The following AGXT variants were observed in gnomAD, a reference collection of about 807,000 sequenced individuals.
AGXT encodes L-alanine: glyoxylate aminotransferase 1.
Under a neutral mutation model 46.9 loss-of-function variants are expected in AGXT, and 41 were observed. The ratio of observed to expected loss-of-function variants is 0.88; its 90% CI spans 0.68 to 1.14. AGXT has a LOEUF of 1.14. Among genes scored for constraint, AGXT ranks in the 50% most tolerant of loss-of-function variants. The pLI is 0.00. For synonymous variants in AGXT, 244 were observed against 227.9 expected (o/e 1.07, Z -0.64); for missense variants, 525 against 522.7 (o/e 1.00, Z -0.04).
In AGXT at chr2:240,879,052, T is replaced by A. The variant is rs2059043636; in HGVS notation, c.*231T>A. ...GGCGCAAAACCCAGTGCCTTCCAAATGAGCTGCAGTCCCCAGGCCATGAGC... is the reference window on the plus strand; with the variant it reads ...GGCGCAAAACCCAGTGCCTTCCAAAAGAGCTGCAGTCCCCAGGCCATGAGC... On this transcript the variant is annotated 3_prime_UTR_variant, in exon 11 of 11. Coordinates refer to ENST00000307503, the MANE Select transcript of AGXT (RefSeq NM_000030.3). The A allele has an allele frequency of 1.7e-6, 1 of 597,716 alleles. No homozygotes were observed. The highest frequency in any genetic ancestry group is 3.0e-6 in the Non-Finnish European group (1 of 334,406). 37.0% of individuals were successfully genotyped at this position (597,716 alleles called of 1,614,324 possible).
At chr2:240,869,486 G>A in intron 2 of AGXT, 124 bp downstream of exon 2, 3 of 1,202,760 alleles carry the variant, frequency 2.5e-6, no homozygotes, top group South Asian at 3.2e-5. Flanking sequence ...GTGGCCCTGT[G>A]CGCACGAACC....
intron 5 of AGXT, 77 bp downstream of exon 5, chr2:240,873,126 G>A (rs879132601): frequency 2.4e-5 from 31 of 1,284,546 alleles, no homozygotes; most frequent in Admixed American, 5.1e-5. Flanking sequence ...TGCTGGAAGC[G>A]TGCGTCCAGC....
Position 240,873,139 on chromosome 2 carries a change from C to A in AGXT, c.595+90C>A, listed in dbSNP as rs1172509975. The A allele has an allele frequency of 2.6e-6, 3 of 1,168,374 alleles. No individual in the cohort carries two copies. In the African/African-American group the frequency reaches 4.5e-5, roughly 18 times the overall value. The allele number at this position is 1,168,374 out of a possible 1,614,324, so 72.4% of individuals were successfully genotyped here. A position where few individuals can be genotyped will look rare whatever the true frequency, so the allele number is the denominator to read the frequency against. Reference sequence around the variant, plus strand: ...CCTGCTGGAAGCGTGCGTCCAGCAGCCGATGCTGCGGATTCGGCCCCATCT... The same window carrying A: ...CCTGCTGGAAGCGTGCGTCCAGCAGACGATGCTGCGGATTCGGCCCCATCT... On this transcript the variant is annotated intron_variant, in intron 5 of 10. Coordinates refer to ENST00000307503, the MANE Select transcript of AGXT (RefSeq NM_000030.3).
chr2:240,871,224 T>G (rs377132518), intron 3 of AGXT, 125 bp from the exon 4 acceptor site: 38 of 800,732 alleles, frequency 4.7e-5, no homozygotes, highest in Middle Eastern at 6.8e-4. Flanking sequence ...ATGCACACCA[T>G]CAGGGAGGAG....
Position 240,875,995 on chromosome 2 carries a change from T to C in AGXT, c.837T>C (p.Ile279=). The change falls in exon 8 of 11, where the codon ATT becomes ATC. Residue 279 remains isoleucine (I), a synonymous_variant. Coordinates refer to ENST00000307503, the MANE Select transcript of AGXT (RefSeq NM_000030.3). ...GCCTGAGAGAGAGCCTGGCCCTCAT[T>C]GCGGAACAGGTGCATGGGCTGCACT... ...LYSLRESLAL[I]AEQGLENSWR... 2 of 1,614,116 alleles carry C rather than the reference T, an allele frequency of 1.2e-6. No homozygotes were observed. Among genetic ancestry groups the C allele is most frequent in the Non-Finnish European group, 1.7e-6 (2 of 1,180,006 alleles).
chr2:240,877,024 G>A (rs1329454002), intron 8 of AGXT: 1 of 246,734 alleles, frequency 4.1e-6, no homozygotes, highest in Non-Finnish European at 8.2e-6. Context: ...AGAGCTGGTG[G>A]CTGGAGGCCG....
chr2:240,878,102 C>A lies in AGXT; in HGVS notation c.1023C>A (p.Asp341Glu), dbSNP rs144007007. The A allele has an allele frequency of 1.9e-4, 306 of 1,613,380 alleles. 4 individuals carry two copies. The African/African-American group carries it at 2.7e-3, about 14-fold the overall frequency. The change falls in exon 10 of 11, where the codon GAC becomes GAA. Residue 341 changes from aspartate to glutamate, a missense_variant. Coordinates refer to ENST00000307503, the MANE Select transcript of AGXT (RefSeq NM_000030.3). ...GAGACATCGTCAGCTACGTCATAGACCACTTCGACATTGAGATCATGGGTG... is the reference window on the plus strand; with the variant it reads ...GAGACATCGTCAGCTACGTCATAGAACACTTCGACATTGAGATCATGGGTG... Reference protein sequence around the residue: ...DWRDIVSYVIDHFDIEIMGGL... With the variant: ...DWRDIVSYVIEHFDIEIMGGL...
intron 5 of AGXT, among the ~76,000 whole-genome samples, chr2:240,873,758 A>C (rs954663898): frequency 1.3e-5 from 2 of 152,100 alleles, no homozygotes; most frequent in African/African-American, 4.8e-5. Context: ...AGCACAGCAG[A>C]GGGAGAAGCT....
At position 240,873,255 on chromosome 2, in the gene AGXT, G is replaced by T. The variant is rs1025791173; in HGVS notation, c.595+206G>T. 3 of 578,196 alleles carry T rather than the reference G, an allele frequency of 5.2e-6. No homozygotes were observed. The Admixed American group carries it at 8.9e-5, about 17-fold the overall frequency. The allele number at this position is 578,196 out of a possible 1,614,324, so 35.8% of individuals were successfully genotyped here. On this transcript the variant is annotated intron_variant, in intron 5 of 10. Transcript: ENST00000307503. ...CCCCAGTGTTTCCACTGAGCTTTCAGATCCAGGCGTGGGGACTGGCAGGAG... is the reference window on the plus strand; with the variant it reads ...CCCCAGTGTTTCCACTGAGCTTTCATATCCAGGCGTGGGGACTGGCAGGAG...
chr2:240,871,244 G>T (rs1254020713), intron 3 of AGXT, 105 bp from the exon 4 acceptor site: 2 of 976,248 alleles, frequency 2.0e-6, no homozygotes, highest in Non-Finnish European at 3.1e-6. Context: ...GTAGAGGCAG[G>T]CCCAGCCCCT....
chr2:240,875,222 TG>T lies in AGXT; in HGVS notation c.776+21del, dbSNP rs749120262. Reference sequence around the variant, plus strand: ...CCCAGGATGTGAGGCCTGGCAGGGATGGGAAGGTGGAGGGCGCTGGGCATGG... The same window carrying T: ...CCCAGGATGTGAGGCCTGGCAGGGATGGAAGGTGGAGGGCGCTGGGCATGG... On this transcript the variant is annotated intron_variant, in intron 7 of 10. Coordinates refer to ENST00000307503, the MANE Select transcript of AGXT (RefSeq NM_000030.3). 61 of 1,598,406 alleles carry T rather than the reference TG, an allele frequency of 3.8e-5. No homozygotes were observed. The highest frequency in any genetic ancestry group is 5.1e-5 in the Non-Finnish European group (60 of 1,165,944).
rs748087765 is a variant in AGXT, at chr2:240,868,894, C to T, written c.29C>T (p.Pro10Leu). 4 of 1,613,068 alleles carry T rather than the reference C, an allele frequency of 2.5e-6. No homozygotes were observed. The highest frequency in any genetic ancestry group is 3.3e-5 in the Admixed American group (2 of 60,008). ...GCCTCTCACAAGCTGCTGGTGACCCCCCCCAAGGCCCTGCTCAAGCCCCTC... is the reference window on the plus strand; with the variant it reads ...GCCTCTCACAAGCTGCTGGTGACCCTCCCCAAGGCCCTGCTCAAGCCCCTC... The part of the protein sequence containing the change: MASHKLLVT[P>L]PKALLKPLSI... Residue 10 changes from proline to leucine, a missense_variant, in exon 1 of 11, where the codon CCC becomes CTC. By Grantham distance (98) the Pro-to-Leu change is moderately conservative. Coordinates refer to ENST00000307503, the MANE Select transcript of AGXT (RefSeq NM_000030.3).
intron 8 of AGXT, chr2:240,877,232 A>G: frequency 1.8e-6 from 1 of 567,548 alleles, no homozygotes; most frequent in Non-Finnish European, 3.3e-6. Flanking sequence ...GTAGCCCAAC[A>G]GCCCTTCCCC....
At chr2:240,874,763 C>T (rs1425655429) in intron 6 of AGXT, among the ~76,000 whole-genome samples, 1 of 152,214 alleles carries the variant, frequency 6.6e-6, no homozygotes, top group African/African-American at 2.4e-5. Context: ...TGGCCAGTGT[C>T]CCCTGGGGCC....
rs780663370 is a variant in AGXT at position 240,869,344 on chromosome 2, G to T, written c.340G>T (p.Asp114Tyr). 6.2e-6 allele frequency: 10 copies of T among 1,601,318 alleles called. No individual in the cohort carries two copies. In the East Asian group the frequency reaches 2.0e-4, roughly 32 times the overall value. The change falls in exon 2 of 11, where the codon GAC (aspartate) becomes TAC (tyrosine). Residue 114 changes from aspartate (D) to tyrosine (Y), a missense_variant. Transcript: ENST00000307503. ...ANGIWGQRAV[D>Y]IGERIGARVH... ...TGGCATTTGGGGGCAGCGAGCCGTGGACATCGGGGAGCGCATAGGTAAGGG... is the reference window on the plus strand; with the variant it reads ...TGGCATTTGGGGGCAGCGAGCCGTGTACATCGGGGAGCGCATAGGTAAGGG...
At chr2:240,877,702 C>G in intron 9 of AGXT, 70 bp downstream of exon 9, 1 of 1,478,014 alleles carries the variant, frequency 6.8e-7, no homozygotes, top group Non-Finnish European at 9.2e-7. Flanking sequence ...GCCCAGCCCC[C>G]TCAAGAGGGA....
At chr2:240,874,103 C>T (rs1171668610) in intron 6 of AGXT, 41 bp downstream of exon 6, 18 of 1,598,650 alleles carry the variant, frequency 1.1e-5, no homozygotes, top group Admixed American at 5.0e-5. Context: ...CAGGGCTGGG[C>T]TTGCAGGGAG....
intron 8 of AGXT, among the ~76,000 whole-genome samples, chr2:240,876,507 G>A (rs934442591): frequency 7.2e-5 from 11 of 152,166 alleles, no homozygotes; most frequent in African/African-American, 9.7e-5. Flanking sequence ...GGACACAGGC[G>A]GCTGAGAGTG....
chr2:240,873,153 T>C (rs1040078914), intron 5 of AGXT, 104 bp downstream of exon 5: 22 of 986,624 alleles, frequency 2.2e-5, no homozygotes, highest in East Asian at 1.9e-4. Context: ...TGCTGCGGAT[T>C]CGGCCCCATC....
Sources: gnomAD v4.1 joint callset for allele counts (sites outside exome capture counted in the v4.1 genomes callset) on GRCh38, gnomAD v4.1.1 for gene constraint, MANE v1.5 for transcripts, NCBI Gene and HGNC (gene_info 2026-07-23, HGNC 2026-07-21) for gene names.